The following ABHD14B variants were observed in gnomAD, a reference collection of about 807,000 sequenced individuals.
ABHD14B encodes the protein putative protein-lysine deacylase ABHD14B.
In ABHD14B, 19 loss-of-function variants were observed where a neutral mutation model predicts 15.4. That is an observed-to-expected ratio of 1.23 (90% CI 0.86 to 1.81). ABHD14B has a LOEUF of 1.81. ABHD14B is among the 40% of genes most tolerant of loss of function. The probability of loss-of-function intolerance (pLI) is 0.00; values close to 1 mark genes in which losing one functional copy is unlikely to be tolerated. For missense variants in ABHD14B, 243 were observed against 267.0 expected, an observed-to-expected ratio of 0.91 and a Z score of 0.63; for synonymous variants, 92 against 117.3, an observed-to-expected ratio of 0.78 and a Z score of 1.39.
intron 2 of ABHD14B, chr3:51,970,838 C>T: frequency 2.2e-6 from 1 of 455,188 alleles, no homozygotes; most frequent in Non-Finnish European, 4.4e-6. Context: ...CCATGCTGCT[C>T]CTTTCACACC....
intron 1 of ABHD14B, chr3:51,972,038 A>C (rs1003347508): frequency 2.1e-5 from 4 of 186,112 alleles, no homozygotes; most frequent in Non-Finnish European, 4.4e-5. Context: ...TGAGGTCAGG[A>C]GTTCAAGACC....
At chr3:51,973,767 G>T in intron 1 of ABHD14B, 198 bp downstream of exon 1, 1 of 1,170,624 alleles carries the variant, frequency 8.5e-7, no homozygotes, top group East Asian at 5.7e-5. Context: ...GCCACCTGGG[G>T]CCCAACGCGT....
At chr3:51,970,516 C>T in intron 2 of ABHD14B, 2 of 569,334 alleles carry the variant, frequency 3.5e-6, no homozygotes, top group East Asian at 4.1e-5. Flanking sequence ...AGTCCTCTCT[C>T]AGCTGCTCAG....
rs1279623747 is a variant in ABHD14B at position 51,971,683 on chromosome 3, T to C, written c.-13A>G. On this transcript the variant is annotated 5_prime_UTR_variant, in exon 2 of 4. Transcript: ENST00000361143. ...CGCTTGCTGCCATGCCTGCTGCTGC[T>C]GTGCTGGTGAAGGGCCTGTGGTTCA... is the stretch of plus-strand genomic sequence containing the variant. The C allele has an allele frequency of 1.2e-6, 2 of 1,609,460 alleles. No individual in the cohort carries two copies. The highest frequency in any genetic ancestry group is 4.5e-5 in the East Asian group (2 of 44,810).
intron 2 of ABHD14B, among the ~76,000 whole-genome samples, chr3:51,971,099 G>C (rs1391904310): frequency 6.6e-6 from 1 of 152,188 alleles, no homozygotes; most frequent in East Asian, 1.9e-4. Context: ...TCTGTGTCAG[G>C]TACTAGCCAC....
At chr3:51,969,920 C>T (rs760191591) in intron 3 of ABHD14B, 23 bp downstream of exon 3, 5 of 1,614,216 alleles carry the variant, frequency 3.1e-6, no homozygotes, top group Non-Finnish European at 4.2e-6. Context: ...GCAGGGGCAC[C>T]TCAGCTTCCC....
At chr3:51,971,366 C>T (rs1354058915) in intron 2 of ABHD14B, 94 bp downstream of exon 2, 8 of 1,385,362 alleles carry the variant, frequency 5.8e-6, no homozygotes, top group Middle Eastern at 2.6e-4. Context: ...CGCCCCCACC[C>T]CTGGAGTGGG....
intron 1 of ABHD14B, among the ~76,000 whole-genome samples, chr3:51,972,523 A>G (rs1217808100): frequency 1.3e-5 from 2 of 152,190 alleles, no homozygotes; most frequent in Non-Finnish European, 2.9e-5. Flanking sequence ...CAGTGAGCCG[A>G]GAACGCGCCA....
intron 2 of ABHD14B, 165 bp downstream of exon 2, chr3:51,971,295 T>C (rs892876461): frequency 8.3e-6 from 6 of 723,078 alleles, no homozygotes; most frequent in African/African-American, 1.8e-5. Context: ...GCCCTTGCAG[T>C]GTGCTTGACC....
rs1700623147 is a variant in ABHD14B, at chr3:51,969,966, C to A, written c.430G>T (p.Ala144Ser). 2.5e-6 allele frequency: 4 copies of A among 1,614,232 alleles called. No homozygotes were observed. The highest frequency in any genetic ancestry group is 3.4e-6 in the Non-Finnish European group (4 of 1,180,030). The change falls in exon 3 of 4, where the codon GCT becomes TCT. Residue 144 changes from alanine (A) to serine (S), a missense_variant. Ala to Ser is a moderately conservative substitution (Grantham distance 99, BLOSUM62 1). Transcript: ENST00000361143. ...ACCTTCACACTGGCATAGTTGGCAGCATTGATTTTGTCAGTGCAGATGGGG... is the reference window on the plus strand; with the variant it reads ...ACCTTCACACTGGCATAGTTGGCAGAATTGATTTTGTCAGTGCAGATGGGG... ...VAPICTDKINAANYASVKTPA... is the reference protein window; with the variant it reads ...VAPICTDKINSANYASVKTPA...
intron 1 of ABHD14B, among the ~76,000 whole-genome samples, chr3:51,972,575 A>G (rs1185461520): frequency 6.6e-6 from 1 of 152,226 alleles, no homozygotes; most frequent in Non-Finnish European, 1.5e-5. Context: ...CTCCATCTCA[A>G]AAAAACAAAA....
upstream of ABHD14B, chr3:51,974,068 G>C: frequency 7.8e-7 from 1 of 1,286,074 alleles, no homozygotes; most frequent in African/African-American, 1.5e-5. Flanking sequence ...CCATCCAGCG[G>C]GGGCGGGGAC....
chr3:51,971,577 G>A lies in ABHD14B; in HGVS notation c.94C>T (p.Arg32Cys), dbSNP rs148936761. The A allele has an allele frequency of 1.8e-5, 29 of 1,613,648 alleles. No homozygotes were observed. The African/African-American group carries it at 2.4e-4, about 13-fold the overall frequency. Reference sequence around the variant, plus strand: ...CCATGCAGCAGCAGTACAGAGAAGCGAGCCTGCCCACTGCCGGGCAGGGCC... The same window carrying A: ...CCATGCAGCAGCAGTACAGAGAAGCAAGCCTGCCCACTGCCGGGCAGGGCC... ...REALPGSGQA[R>C]FSVLLLHGIR... Residue 32 changes from arginine to cysteine, a missense_variant, in exon 2 of 4, where the codon CGC becomes TGC. Coordinates refer to ENST00000361143, the MANE Select transcript of ABHD14B (RefSeq NM_001146314.2).
At chr3:51,974,529 CACA>C, upstream of ABHD14B, 1 of 178,572 alleles carries the variant, frequency 5.6e-6, no homozygotes, top group South Asian at 9.7e-5. Context: ...CCACGCTCTG[CACA>C]GCCTCCCAGT....
rs1042833009 is a variant in ABHD14B, at chr3:51,969,748, G to A, written c.454-143C>T. The A allele has an allele frequency of 1.4e-5, 20 of 1,379,838 alleles. No individual in the cohort carries two copies. In the South Asian group the frequency reaches 2.5e-4, roughly 17 times the overall value. The allele number at this position is 1,379,838 out of a possible 1,614,324, so 85.5% of individuals were successfully genotyped here. On this transcript the variant is annotated intron_variant, in intron 3 of 3. Coordinates refer to ENST00000361143, the MANE Select transcript of ABHD14B (RefSeq NM_001146314.2). ...GGCCCAGTGGGTGGGGGCACAGATTGGTGTCTGCCCCAGAACACAGTTTAG... is the reference window on the plus strand; with the variant it reads ...GGCCCAGTGGGTGGGGGCACAGATTAGTGTCTGCCCCAGAACACAGTTTAG...
At chr3:51,970,816 G>A (rs1462675413) in intron 2 of ABHD14B, 2 of 455,886 alleles carry the variant, frequency 4.4e-6, no homozygotes, top group Non-Finnish European at 8.8e-6. Context: ...TGGCCTGAGG[G>A]GGTGGGGCCA....
chr3:51,969,703 A>T, intron 3 of ABHD14B, 98 bp from the exon 4 acceptor site: 1 of 1,485,488 alleles, frequency 6.7e-7, no homozygotes. Context: ...ACCACCCCAT[A>T]TGAGGGAGAG....
At chr3:51,969,873 T>G (rs1415930489) in intron 3 of ABHD14B, 70 bp downstream of exon 3, 4 of 1,612,760 alleles carry the variant, frequency 2.5e-6, no homozygotes, top group African/African-American at 2.7e-5. Flanking sequence ...AGCCCCCAGA[T>G]GAGGAAAGCC....
Position 51,971,568 on chromosome 3 carries a change from C to T in ABHD14B, c.103G>A (p.Val35Ile). 1 of 1,613,702 alleles carries T rather than the reference C, an allele frequency of 6.2e-7. No homozygotes were observed. The highest frequency in any genetic ancestry group is 1.7e-4 in the Middle Eastern group (1 of 6,058). ...AAGCGAATACCATGCAGCAGCAGTA[C>T]AGAGAAGCGAGCCTGCCCACTGCCG... Reference protein sequence around the residue: ...LPGSGQARFSVLLLHGIRFSS... With the variant: ...LPGSGQARFSILLLHGIRFSS... The change falls in exon 2 of 4, where the codon GTA (valine) becomes ATA (isoleucine). Residue 35 changes from valine to isoleucine, a missense_variant. Val to Ile is a conservative substitution (Grantham distance 29, BLOSUM62 3). Coordinates refer to ENST00000361143, the MANE Select transcript of ABHD14B (RefSeq NM_001146314.2).
Sources: allele counts gnomAD v4.1 joint callset (sites outside exome capture counted in the v4.1 genomes callset), GRCh38; gene constraint gnomAD v4.1.1; transcripts MANE v1.5; gene names NCBI Gene and HGNC (gene_info 2026-07-23, HGNC 2026-07-21).